METTL21A: variants seen among roughly 807,000 people sequenced by gnomAD.
The protein encoded by METTL21A is methyltransferase 21A, HSPA lysine.
A neutral mutation model predicts 20.9 loss-of-function variants in METTL21A; 22 were observed. The ratio of observed to expected loss-of-function variants is 1.05; its 90% CI spans 0.75 to 1.50. The LOEUF is 1.50. Among genes scored for constraint, METTL21A ranks in the 40% most tolerant of loss-of-function variants. The pLI, the probability that METTL21A is intolerant of heterozygous loss-of-function variation, is 0.00. For synonymous variants in METTL21A, 93 were observed against 102.0 expected (o/e 0.91, Z 0.53); for missense variants, 271 against 266.8 (o/e 1.02, Z -0.11).
At chr2:207,621,982 AG>A in intron 2 of METTL21A, 65 bp from the exon 3 acceptor site, 1 of 1,410,768 alleles carries the variant, frequency 7.1e-7, no homozygotes, top group East Asian at 2.3e-5. Context: ...GCAGGGTTTC[AG>A]GTCAGCTACA....
chr2:207,586,971 CAAG>C, intron 3 of METTL21A, among the ~76,000 whole-genome samples: 1 of 152,208 alleles, frequency 6.6e-6, no homozygotes, highest in South Asian at 2.1e-4. Flanking sequence ...ATCAAAAAGA[CAAG>C]AAGTAAACAC....
At chr2:207,620,301 G>A (rs1475286883) in intron 3 of METTL21A, among the ~76,000 whole-genome samples, 1 of 152,054 alleles carries the variant, frequency 6.6e-6, no homozygotes, top group Non-Finnish European at 1.5e-5. Context: ...AAATTAGCTG[G>A]GCGTGGTGGC....
intron 3 of METTL21A, among the ~76,000 whole-genome samples, chr2:207,583,787 T>A (rs2083349919): frequency 6.6e-6 from 1 of 152,250 alleles, no homozygotes; most frequent in Non-Finnish European, 1.5e-5. Flanking sequence ...ATTATACTAG[T>A]TAACTAACAG....
At position 207,624,222 on chromosome 2, in the gene METTL21A, T is replaced by C; in HGVS notation, c.147+7A>G. On this transcript the variant is annotated splice_region_variant and intron_variant, in intron 2 of 3. Transcript: ENST00000406927. ...ACGTTTTCAGAGGTCCCCCAGGGCT[T>C]ACTTACCGCATCCCAAACCACCGCT... The C allele has an allele frequency of 6.3e-7, 1 of 1,596,760 alleles. No individual in the cohort carries two copies. The highest frequency in any genetic ancestry group is 1.1e-5 in the South Asian group (1 of 88,734).
chr2:207,602,426 A>G (rs1045780), intron 3 of METTL21A: 168,868 of 199,370 alleles, frequency 0.85, 71,839 homozygotes, highest in East Asian at 1. Context: ...AAAATGAACA[A>G]TCTTTTGGAA....
At chr2:207,585,806 G>A (rs1037739989) in intron 3 of METTL21A, among the ~76,000 whole-genome samples, 4 of 152,150 alleles carry the variant, frequency 2.6e-5, no homozygotes, top group Admixed American at 6.5e-5. Context: ...TGAACTTTAA[G>A]AGAGAGGTCT....
chr2:207,620,453 T>TA (rs71409834), intron 3 of METTL21A, among the ~76,000 whole-genome samples: 3 of 146,754 alleles, frequency 2.0e-5, no homozygotes, highest in African/African-American at 5.0e-5. Flanking sequence ...AAAAAATAAA[T>TA]AAATAAAATA....
chr2:207,621,670 G>T, intron 3 of METTL21A, 136 bp downstream of exon 3: 1 of 707,406 alleles, frequency 1.4e-6, no homozygotes, highest in Non-Finnish European at 2.5e-6. Flanking sequence ...CCAGCAGTTG[G>T]CCCACAACTC....
intron 3 of METTL21A, among the ~76,000 whole-genome samples, chr2:207,614,052 G>C (rs2089350142): frequency 6.6e-6 from 1 of 152,076 alleles, no homozygotes; most frequent in African/African-American, 2.4e-5. Context: ...TTATTCATTG[G>C]GTCATTATCT....
intron 3 of METTL21A, chr2:207,597,066 T>C: frequency 6.3e-7 from 1 of 1,587,388 alleles, no homozygotes; most frequent in Non-Finnish European, 8.5e-7. Flanking sequence ...TAATTTGGGA[T>C]TTAAATTTTC....
chr2:207,617,033 G>A (rs1406071540), intron 3 of METTL21A, among the ~76,000 whole-genome samples: 9 of 152,212 alleles, frequency 5.9e-5, no homozygotes, highest in South Asian at 2.1e-4. Flanking sequence ...TTTATGCTGG[G>A]TAAGGAGGGT....
Position 207,599,154 on chromosome 2 carries a change from G to C in METTL21A, c.260-16994C>G, listed in dbSNP as rs188764041. On this transcript the variant is annotated intron_variant, in intron 3 of 3. Coordinates refer to the METTL21A transcript ENST00000425132. ...GTCTTTATGTTTGGACAGTTCACCA[G>C]ATTCTCAAGAAGGCTTTCAAACAAC... 75 of 196,250 alleles carry C rather than the reference G, an allele frequency of 3.8e-4. 2 individuals carry two copies. The Admixed American group carries it at 4.5e-3, about 12-fold the overall frequency. The allele number at this position is 196,250 out of a possible 1,614,324, so 12.2% of individuals were successfully genotyped here. A position where few individuals can be genotyped will look rare whatever the true frequency, so the allele number is the denominator to read the frequency against.
At chr2:207,600,144 C>G (rs936470018) in intron 3 of METTL21A, 5 of 180,790 alleles carry the variant, frequency 2.8e-5, no homozygotes, top group Non-Finnish European at 1.2e-5. Context: ...CTTTTTCAAA[C>G]TCAAGTACCA....
At chr2:207,593,718 AC>A (rs1386828542) in intron 3 of METTL21A, among the ~76,000 whole-genome samples, 1 of 126,528 alleles carries the variant, frequency 7.9e-6, no homozygotes, top group Non-Finnish European at 1.6e-5. Flanking sequence ...ATCCTCACAA[AC>A]TTTTTTTTTT....
At chr2:207,586,488 T>TC (rs2083864921) in intron 3 of METTL21A, among the ~76,000 whole-genome samples, 1 of 152,150 alleles carries the variant, frequency 6.6e-6, no homozygotes, top group African/African-American at 2.4e-5. Flanking sequence ...GGGAAATGCT[T>TC]CCTGACATTA....
chr2:207,598,486 TAA>T (rs143222694), intron 3 of METTL21A: 128,359 of 169,002 alleles, frequency 0.76, 47,479 homozygotes, highest in South Asian at 0.9. Context: ...CAGTTACTCT[TAA>T]AAAAAAAAAA....
downstream of METTL21A, among the ~76,000 whole-genome samples, chr2:207,607,644 A>G (rs1575096826): frequency 3.4e-5 from 1 of 29,812 alleles, no homozygotes; most frequent in Non-Finnish European, 6.8e-5. Flanking sequence ...CTTCAAAAAC[A>G]GCATTCTTTA....
intron 3 of METTL21A, chr2:207,600,697 G>A (rs2086894144): frequency 4.7e-6 from 1 of 211,416 alleles, no homozygotes; most frequent in East Asian, 7.0e-5. Context: ...TAGGTCAGCA[G>A]CAGTGCTAGT....
At chr2:207,614,220 G>T (rs1465126307) in intron 3 of METTL21A, among the ~76,000 whole-genome samples, 1 of 152,128 alleles carries the variant, frequency 6.6e-6, no homozygotes, top group East Asian at 1.9e-4. Context: ...GGGTAACACA[G>T]GGAGACTCCA....
Sources: allele counts gnomAD v4.1 joint callset (sites outside exome capture counted in the v4.1 genomes callset), GRCh38; gene constraint gnomAD v4.1.1; transcripts MANE v1.5; gene names NCBI Gene and HGNC (gene_info 2026-07-23, HGNC 2026-07-21).